Variants in ZC3H12C observed in about 807,000 individuals in gnomAD.
The protein encoded by ZC3H12C is zinc finger CCCH-type containing 12C, also known as probable ribonuclease ZC3H12C.
A neutral mutation model predicts 76.3 loss-of-function variants in ZC3H12C; 20 were observed. The observed-to-expected ratio is 0.26, with a 90% confidence interval of 0.18 to 0.38. The LOEUF (loss-of-function observed/expected upper bound fraction) is 0.38. Ranked by LOEUF, ZC3H12C falls within the 10% of genes least tolerant of loss-of-function variation. The probability of loss-of-function intolerance (pLI) is 1.00; values close to 1 mark genes in which losing one functional copy is unlikely to be tolerated. For missense variants in ZC3H12C, 874 were observed against 1,086.5 expected (o/e 0.80, Z 2.75); for synonymous variants, 352 against 399.6 (o/e 0.88, Z 1.42).
intron 2 of ZC3H12C, among the ~76,000 whole-genome samples, chr11:110,142,927 G>A (rs1462876485): frequency 6.6e-6 from 1 of 152,200 alleles, no homozygotes; most frequent in Non-Finnish European, 1.5e-5. Flanking sequence ...AGCTTGATAA[G>A]CATTGATTTA....
At chr11:110,163,068 T>A (rs1862509903) in intron 4 of ZC3H12C, among the ~76,000 whole-genome samples, 1 of 152,230 alleles carries the variant, frequency 6.6e-6, no homozygotes, top group Non-Finnish European at 1.5e-5. Flanking sequence ...CAAATACAAT[T>A]TCAGCTCAAA....
At chr11:110,146,275 G>A (rs624957) in intron 2 of ZC3H12C, among the ~76,000 whole-genome samples, 51,551 of 152,016 alleles carry the variant, frequency 0.34, 9,754 homozygotes, top group African/African-American at 0.51. Flanking sequence ...GGCATGAGCC[G>A]TCGCGCCCGG....
chr11:110,153,514 T>C (rs915413409), intron 3 of ZC3H12C, among the ~76,000 whole-genome samples: 2 of 151,818 alleles, frequency 1.3e-5, no homozygotes, highest in African/African-American at 4.8e-5. Flanking sequence ...AACTATCTGG[T>C]TTTATTAATT....
At chr11:110,126,341 G>A (rs1675978) in intron 1 of ZC3H12C, among the ~76,000 whole-genome samples, 106,774 of 149,852 alleles carry the variant, frequency 0.71, 38,161 homozygotes, top group East Asian at 0.89. Context: ...TCAGCCTTCC[G>A]AGTAGCTAGA....
intron 2 of ZC3H12C, among the ~76,000 whole-genome samples, chr11:110,150,958 T>C (rs1862262057): frequency 6.6e-6 from 1 of 152,198 alleles, no homozygotes; most frequent in Admixed American, 6.5e-5. Flanking sequence ...TGTTTTCGGC[T>C]GCAAATAACA....
intron 1 of ZC3H12C, among the ~76,000 whole-genome samples, chr11:110,130,500 A>G (rs1015841773): frequency 6.6e-6 from 1 of 152,216 alleles, no homozygotes; most frequent in African/African-American, 2.4e-5. Context: ...TAACTCATTT[A>G]TTAAAGACAG....
chr11:110,137,166 T>C lies in ZC3H12C; in HGVS notation c.525T>C (p.Ser175=), dbSNP rs1861980389. ...AGTTTGCACTTAAGTTAGGTTATTC[T>C]GAAGAACAGGTTCAGCTTGTACTAA... ...KLEFALKLGY[S]EEQVQLVLNK... The change falls in exon 2 of 6, where the codon TCT becomes TCC. Residue 175 remains serine, a synonymous_variant. Transcript: ENST00000278590. 6.2e-7 allele frequency: 1 copy of C among 1,613,920 alleles called. No individual in the cohort carries two copies. Among genetic ancestry groups the C allele is most frequent in the African/African-American group, 1.3e-5 (1 of 75,080 alleles).
intron 1 of ZC3H12C, chr11:110,135,717 G>A (rs901234687): frequency 2.6e-5 from 4 of 151,910 alleles, no homozygotes; most frequent in Admixed American, 6.6e-5. Context: ...TTAACCAAAT[G>A]CAGATTAATG....
At chr11:110,107,434 G>A (rs1861350652) in intron 1 of ZC3H12C, among the ~76,000 whole-genome samples, 1 of 152,026 alleles carries the variant, frequency 6.6e-6, no homozygotes, top group Non-Finnish European at 1.5e-5. Context: ...TCAGGCTGGA[G>A]TACAATGGCA....
chr11:110,155,839 G>T (rs1337869401), intron 3 of ZC3H12C, among the ~76,000 whole-genome samples: 2 of 152,176 alleles, frequency 1.3e-5, no homozygotes, highest in Middle Eastern at 3.4e-3. Context: ...ATTTCTGCCT[G>T]CTTCTTAGTA....
At chr11:110,150,354 A>T (rs201561685) in intron 2 of ZC3H12C, among the ~76,000 whole-genome samples, 1 of 151,816 alleles carries the variant, frequency 6.6e-6, no homozygotes, top group South Asian at 2.1e-4. Context: ...TAGGTTTTCA[A>T]TTTCATTTTA....
In ZC3H12C at chr11:110,164,580, G is replaced by A; in HGVS notation, c.1495G>A (p.Val499Ile). Residue 499 changes from valine (V) to isoleucine (I), a missense_variant, in exon 6 of 6, where the codon GTC becomes ATC. Val to Ile is a conservative substitution (Grantham distance 29, BLOSUM62 3). Coordinates refer to ENST00000278590, the MANE Select transcript of ZC3H12C (RefSeq NM_033390.2). This position sits in a 1 kb window ranked among gnomAD's most constrained non-coding sequence, Gnocchi z 5.7. ...RQSDPSIRTQ[V>I]YQDLEEKLPT... ...ATCAGATCCAAGCATAAGGACACAAGTCTACCAAGACCTAGAAGAAAAGCT... is the reference window on the plus strand; with the variant it reads ...ATCAGATCCAAGCATAAGGACACAAATCTACCAAGACCTAGAAGAAAAGCT... 1 of 1,613,972 alleles carries A rather than the reference G, an allele frequency of 6.2e-7. No individual in the cohort carries two copies. Among genetic ancestry groups the A allele is most frequent in the Non-Finnish European group, 8.5e-7 (1 of 1,179,888 alleles).
chr11:110,145,104 C>A (rs530099287), intron 2 of ZC3H12C, among the ~76,000 whole-genome samples: 2 of 152,284 alleles, frequency 1.3e-5, no homozygotes, highest in African/African-American at 4.8e-5. Flanking sequence ...CTCTGCATTA[C>A]AAAACCCACC....
chr11:110,125,270 A>AGT lies in ZC3H12C; in HGVS notation c.22-11343_22-11342dup, dbSNP rs59512764. Among the ~76,000 whole-genome samples the AGT allele has an allele frequency of 7.2e-3, 1,001 of 138,720 alleles. 10 individuals carry two copies. Among genetic ancestry groups the AGT allele is most frequent in the African/African-American group, 0.017 (609 of 36,696 alleles). The allele number at this position is 138,720 out of a possible 152,430, so 91.0% of individuals were successfully genotyped here. ...TGGGAACCATATAGGATCTCTCACT[A>AGT]GTGTGTGTGTGTGTGTGTGTGTGTG... On this transcript the variant is annotated intron_variant, in intron 1 of 5. Transcript: ENST00000278590.
chr11:110,103,765 C>G (rs1565247154), intron 1 of ZC3H12C, among the ~76,000 whole-genome samples: 1 of 152,024 alleles, frequency 6.6e-6, no homozygotes, highest in Non-Finnish European at 1.5e-5. Flanking sequence ...GCCACCACAC[C>G]CAGCTAATTT....
At chr11:110,144,694 C>T (rs1359917915) in intron 2 of ZC3H12C, among the ~76,000 whole-genome samples, 1 of 151,974 alleles carries the variant, frequency 6.6e-6, no homozygotes, top group Non-Finnish European at 1.5e-5. Context: ...TTTTAACAAG[C>T]ATTATATAAT....
intron 1 of ZC3H12C, among the ~76,000 whole-genome samples, chr11:110,124,540 G>A (rs1380740405): frequency 1.3e-5 from 2 of 152,162 alleles, no homozygotes; most frequent in East Asian, 3.8e-4. Context: ...GAAGTTTGAA[G>A]GAATTGGAAA....
At chr11:110,154,600 C>A (rs1157580443) in intron 3 of ZC3H12C, among the ~76,000 whole-genome samples, 1 of 151,766 alleles carries the variant, frequency 6.6e-6, no homozygotes, top group African/African-American at 2.4e-5. Flanking sequence ...ACAATAAATT[C>A]CAGGTGGTTG....
chr11:110,099,939 T>G (rs936977739), intron 1 of ZC3H12C, among the ~76,000 whole-genome samples: 1 of 152,222 alleles, frequency 6.6e-6, no homozygotes, highest in Non-Finnish European at 1.5e-5. Flanking sequence ...AGATGATAGT[T>G]AACTCTTCTT....
Sources: gnomAD v4.1 joint callset for allele counts (sites outside exome capture counted in the v4.1 genomes callset) on GRCh38, gnomAD v4.1.1 for gene constraint, Gnocchi (gnomAD v3.1) non-coding constraint, MANE v1.5 for transcripts, NCBI Gene and HGNC (gene_info 2026-07-23, HGNC 2026-07-21) for gene names.